Variants in SLC7A14 observed in about 807,000 individuals in gnomAD.
SLC7A14 encodes solute carrier family 7 member 14.
In SLC7A14, 37 loss-of-function variants were observed where a neutral mutation model predicts 60.2. The observed-to-expected ratio is 0.61, with a 90% confidence interval of 0.47 to 0.81. The LOEUF is 0.81. Among genes scored for constraint, SLC7A14 ranks in the 30% least tolerant of loss-of-function variants. The pLI, the probability that SLC7A14 is intolerant of heterozygous loss-of-function variation, is 0.00. For missense variants in SLC7A14, 886 were observed against 982.7 expected, an observed-to-expected ratio of 0.90 and a Z score of 1.32; for synonymous variants, 399 against 395.8, an observed-to-expected ratio of 1.01 and a Z score of -0.10.
intron 6 of SLC7A14, 119 bp downstream of exon 6, chr3:170,483,195 G>T: frequency 5.1e-6 from 6 of 1,184,802 alleles, no homozygotes; most frequent in Non-Finnish European, 7.3e-6. Context: ...ACATAACAAG[G>T]TCCACAGTCC....
At chr3:170,506,127 C>T (rs1017300424) in intron 2 of SLC7A14, among the ~76,000 whole-genome samples, 2 of 152,146 alleles carry the variant, frequency 1.3e-5, no homozygotes, top group Admixed American at 1.3e-4. Context: ...GTGCAGGCAG[C>T]CATCAGTGAG....
intron 1 of SLC7A14, among the ~76,000 whole-genome samples, chr3:170,545,811 C>T (rs1714160914): frequency 6.6e-6 from 1 of 152,210 alleles, no homozygotes; most frequent in Admixed American, 6.5e-5. Context: ...TTATTTATGG[C>T]TTGGGAGACT....
chr3:170,494,468 C>G (rs113672509), intron 4 of SLC7A14, among the ~76,000 whole-genome samples: 1 of 152,160 alleles, frequency 6.6e-6, no homozygotes, highest in Admixed American at 6.5e-5. Flanking sequence ...TGTGGAGCCC[C>G]TGAGAAGGAA....
intron 1 of SLC7A14, among the ~76,000 whole-genome samples, chr3:170,543,537 T>C (rs1714083006): frequency 6.6e-6 from 1 of 151,646 alleles, no homozygotes; most frequent in East Asian, 2.0e-4. Context: ...TAATCCCAGC[T>C]ACTCGGGAGG....
At chr3:170,550,886 C>T (rs1183078482) in intron 1 of SLC7A14, among the ~76,000 whole-genome samples, 4 of 152,008 alleles carry the variant, frequency 2.6e-5, no homozygotes, top group Non-Finnish European at 2.9e-5. Flanking sequence ...TTTTTAAAAG[C>T]GAAGTGTAAT....
intron 2 of SLC7A14, among the ~76,000 whole-genome samples, chr3:170,518,678 T>A (rs1055195998): frequency 2.6e-4 from 40 of 152,212 alleles, no homozygotes; most frequent in Non-Finnish European, 4.6e-4. Context: ...ATTATCTCAA[T>A]AAATTATTTT....
intron 7 of SLC7A14, among the ~76,000 whole-genome samples, chr3:170,473,114 A>G (rs1484144087): frequency 6.6e-6 from 1 of 152,188 alleles, no homozygotes; most frequent in African/African-American, 2.4e-5. Context: ...CCTCCAGGGA[A>G]GGTTTACAAA....
chr3:170,524,046 A>C (rs1358584385), intron 2 of SLC7A14, among the ~76,000 whole-genome samples: 2 of 152,096 alleles, frequency 1.3e-5, no homozygotes, highest in African/African-American at 4.8e-5. Context: ...GGAGAGGAGG[A>C]ATCCTGTTTT....
Position 170,461,335 on chromosome 3 carries a change from A to G in SLC7A14, c.*5720T>C, listed in dbSNP as rs1739600148. 6.6e-6 allele frequency: 1 copy of G among 152,160 alleles called. No individual in the cohort carries two copies. The highest frequency in any genetic ancestry group is 2.4e-5 in the African/African-American group (1 of 41,420). 9.4% of individuals were successfully genotyped at this position (152,160 alleles called of 1,614,324 possible). A position where few individuals can be genotyped will look rare whatever the true frequency, so the allele number is the denominator to read the frequency against. ...TAAGTCCTAAAAAAAAGAACACTCTATTTTCTTAGAGAAGTAATTTTGGCA... is the reference window on the plus strand; with the variant it reads ...TAAGTCCTAAAAAAAAGAACACTCTGTTTTCTTAGAGAAGTAATTTTGGCA... On this transcript the variant is annotated 3_prime_UTR_variant, in exon 8 of 8. Coordinates refer to ENST00000231706, the MANE Select transcript of SLC7A14 (RefSeq NM_020949.3).
At chr3:170,475,639 G>A (rs534149569) in intron 7 of SLC7A14, among the ~76,000 whole-genome samples, 29 of 152,292 alleles carry the variant, frequency 1.9e-4, no homozygotes, top group African/African-American at 5.5e-4. Context: ...ATTTGAGTCA[G>A]CTGGAGGGCT....
chr3:170,469,012 A>C (rs1577489841), intron 7 of SLC7A14, among the ~76,000 whole-genome samples: 11 of 152,170 alleles, frequency 7.2e-5, no homozygotes, highest in Admixed American at 6.5e-4. Flanking sequence ...CAATGGTCAG[A>C]GTGTCCCTGA....
chr3:170,504,608 C>T (rs1712715431), intron 2 of SLC7A14, among the ~76,000 whole-genome samples: 1 of 152,194 alleles, frequency 6.6e-6, no homozygotes, highest in Non-Finnish European at 1.5e-5. Context: ...GCGTGAGCCA[C>T]TGCGCCCGGC....
intron 4 of SLC7A14, chr3:170,495,711 G>A (rs578160041): frequency 2.1e-5 from 23 of 1,097,840 alleles, no homozygotes; most frequent in Non-Finnish European, 2.0e-5. Context: ...GCACACCCAG[G>A]AGAAGGAGCA....
Position 170,562,766 on chromosome 3 carries a change from C to CT in SLC7A14, c.-153+23144dup, listed in dbSNP as rs1304909140. On this transcript the variant is annotated intron_variant, in intron 1 of 7. Coordinates refer to ENST00000231706, the MANE Select transcript of SLC7A14 (RefSeq NM_020949.3). ...AAATATTATTATTATTATTCCATTT[C>CT]TTTTTTTTGAGACAGAGCCTTGCTC... is the stretch of plus-strand genomic sequence containing the variant. Among the ~76,000 whole-genome samples the CT allele has an allele frequency of 4.0e-5, 6 of 151,770 alleles. No individual in the cohort carries two copies. In the South Asian group the frequency reaches 8.3e-4, roughly 21 times the overall value.
intron 1 of SLC7A14, among the ~76,000 whole-genome samples, chr3:170,546,918 A>C (rs943000334): frequency 2.0e-5 from 3 of 152,238 alleles, no homozygotes; most frequent in African/African-American, 7.2e-5. Flanking sequence ...AAGGGCTCAC[A>C]GCCCTTATAC....
At chr3:170,533,739 G>A (rs1027337907) in intron 1 of SLC7A14, among the ~76,000 whole-genome samples, 9 of 152,160 alleles carry the variant, frequency 5.9e-5, no homozygotes, top group Admixed American at 2.6e-4. Flanking sequence ...AAATCATGCA[G>A]TGTTGGTGCC....
intron 1 of SLC7A14, among the ~76,000 whole-genome samples, chr3:170,558,301 G>T (rs2108308679): frequency 6.6e-6 from 1 of 152,298 alleles, no homozygotes; most frequent in African/African-American, 2.4e-5. Context: ...CCGGGAAGCA[G>T]AGGTTGCAGT....
chr3:170,573,602 C>T (rs1204990570), intron 1 of SLC7A14, among the ~76,000 whole-genome samples: 1 of 152,076 alleles, frequency 6.6e-6, no homozygotes, highest in Non-Finnish European at 1.5e-5. Flanking sequence ...AGAATAATAC[C>T]CTAAGGAAGA....
intron 2 of SLC7A14, among the ~76,000 whole-genome samples, chr3:170,507,808 A>G (rs1193645843): frequency 2.6e-5 from 4 of 152,216 alleles, no homozygotes; most frequent in Non-Finnish European, 5.9e-5. Flanking sequence ...AGGTAAAAGC[A>G]GGTGGCTCCG....
Sources: allele counts gnomAD v4.1 joint callset (sites outside exome capture counted in the v4.1 genomes callset), GRCh38; gene constraint gnomAD v4.1.1; transcripts MANE v1.5; gene names NCBI Gene and HGNC (gene_info 2026-07-23, HGNC 2026-07-21).